Variants in CNTLN observed in about 807,000 individuals in gnomAD.
CNTLN encodes the protein centlein, also known as centlein, centrosomal protein.
In CNTLN, 212 loss-of-function variants were observed where a neutral mutation model predicts 180.0. The ratio of observed to expected loss-of-function variants is 1.18; its 90% CI spans 1.05 to 1.32. CNTLN has a LOEUF of 1.32. Ranked by LOEUF, CNTLN falls within the 40% of genes most tolerant of loss-of-function variation. The probability of loss-of-function intolerance (pLI) is 0.00; values close to 1 mark genes in which losing one functional copy is unlikely to be tolerated. For synonymous variants in CNTLN, 722 were observed against 563.1 expected (o/e 1.28, Z -3.99); for missense variants, 2,095 against 1,610.9 (o/e 1.30, Z -5.14).
chr9:17,418,545 T>C lies in CNTLN; in HGVS notation c.3114+2356T>C, dbSNP rs184537070. Among the ~76,000 whole-genome samples, 50 of 152,170 alleles carry C rather than the reference T, an allele frequency of 3.3e-4. 1 individual carries two copies. The Middle Eastern group carries it at 0.01, about 31-fold the overall frequency. On this transcript the variant is annotated intron_variant, in intron 18 of 25. Transcript: ENST00000380647. ...GGGTAGTATCTGTTGATTTCTGTGA[T>C]ATTTTTAATAACTGAACTTAGGTAA...
rs1054880660 is a variant in CNTLN at position 17,502,965 on chromosome 9, C to T, written c.*313C>T. 1 of 161,494 alleles carries T rather than the reference C, an allele frequency of 6.2e-6. No individual in the cohort carries two copies. The highest frequency in any genetic ancestry group is 2.4e-5 in the African/African-American group (1 of 41,832). 10.0% of individuals were successfully genotyped at this position (161,494 alleles called of 1,614,324 possible). On this transcript the variant is annotated 3_prime_UTR_variant, in exon 26 of 26. Transcript: ENST00000380647. ...GCAGGCTTGGTACACACAAATTGGC[C>T]TGAGCATAAGAAGAAAAAGTATCAA... is the stretch of plus-strand genomic sequence containing the variant.
chr9:17,331,602 C>A (rs1358755199), intron 9 of CNTLN, among the ~76,000 whole-genome samples: 1 of 151,782 alleles, frequency 6.6e-6, no homozygotes, highest in Non-Finnish European at 1.5e-5. Context: ...GTTTTTGTTT[C>A]TTTCCATTTT....
rs1318649561 is a variant in CNTLN, at chr9:17,261,864, AC to A, written c.850-11868del. Among the ~76,000 whole-genome samples, 14 of 151,648 alleles carry A rather than the reference AC, an allele frequency of 9.2e-5. 1 individual carries two copies. Among genetic ancestry groups the A allele is most frequent in the African/African-American group, 3.4e-4 (14 of 40,958 alleles). On this transcript the variant is annotated intron_variant, in intron 5 of 25. Transcript: ENST00000380647. ...CAAAGGTATCCAGAATCTACAAGGAACTTAAACAAATTTACAAGTAAAAAAC... is the reference window on the plus strand; with the variant it reads ...CAAAGGTATCCAGAATCTACAAGGAATTAAACAAATTTACAAGTAAAAAAC...
intron 2 of CNTLN, among the ~76,000 whole-genome samples, chr9:17,171,725 G>A (rs530031561): frequency 2.2e-4 from 33 of 152,130 alleles, no homozygotes; most frequent in Admixed American, 2.6e-4. Flanking sequence ...TAGTATCCAG[G>A]GCACAGGCAC....
At chr9:17,143,251 A>G (rs1818226816) in intron 1 of CNTLN, 37 bp from the exon 2 acceptor site, 2 of 1,448,370 alleles carry the variant, frequency 1.4e-6, no homozygotes, top group African/African-American at 2.8e-5. Context: ...CTACCACTAC[A>G]AAGCAATGCA....
chr9:17,487,962 A>G (rs868687425), intron 25 of CNTLN, among the ~76,000 whole-genome samples: 2 of 152,102 alleles, frequency 1.3e-5, no homozygotes, highest in South Asian at 4.2e-4. Context: ...CTAATTTTTT[A>G]TTTTTTAAAT....
intron 18 of CNTLN, among the ~76,000 whole-genome samples, chr9:17,417,746 G>C (rs1828374392): frequency 6.6e-6 from 1 of 151,752 alleles, no homozygotes; most frequent in Non-Finnish European, 1.5e-5. Flanking sequence ...AGTACCCTAG[G>C]GATTCAACTA....
chr9:17,463,957 GT>G (rs1831599362), intron 20 of CNTLN, among the ~76,000 whole-genome samples: 1 of 151,310 alleles, frequency 6.6e-6, no homozygotes, highest in Admixed American at 6.6e-5. Flanking sequence ...AGCAGCAGCA[GT>G]AGCAGTGGTT....
the CNTLN span, among the ~76,000 whole-genome samples, chr9:17,522,364 C>T: frequency 6.6e-6 from 1 of 152,100 alleles, no homozygotes; most frequent in African/African-American, 2.4e-5. Flanking sequence ...GAGGCTCAGC[C>T]GCTAACTTGC....
At chr9:17,362,693 T>C (rs138892937) in intron 12 of CNTLN, among the ~76,000 whole-genome samples, 1 of 152,262 alleles carries the variant, frequency 6.6e-6, no homozygotes, top group East Asian at 1.9e-4. Flanking sequence ...GTGTGATGAC[T>C]ATCTTTATTT....
In CNTLN at chr9:17,240,002, C is replaced by A. The variant is rs112699761; in HGVS notation, c.849+3414C>A. Reference sequence around the variant, plus strand: ...TCTTTTTTCTTCTGGCCAAAAAGGCCATCAGAGAGTTTAATAGAGATTGCC... The same window carrying A: ...TCTTTTTTCTTCTGGCCAAAAAGGCAATCAGAGAGTTTAATAGAGATTGCC... On this transcript the variant is annotated intron_variant, in intron 5 of 25. Transcript: ENST00000380647. Among the ~76,000 whole-genome samples the A allele has an allele frequency of 8.5e-3, 1,294 of 152,184 alleles. 16 individuals carry two copies. Among genetic ancestry groups the A allele is most frequent in the African/African-American group, 0.028 (1,179 of 41,520 alleles).
intron 7 of CNTLN, among the ~76,000 whole-genome samples, chr9:17,302,812 A>C (rs1317259333): frequency 6.6e-6 from 1 of 152,214 alleles, no homozygotes; most frequent in Non-Finnish European, 1.5e-5. Context: ...ACAAAATACA[A>C]GTGAGAAGTC....
chr9:17,247,365 G>A (rs1563918359), intron 5 of CNTLN, among the ~76,000 whole-genome samples: 2 of 152,152 alleles, frequency 1.3e-5, no homozygotes, highest in Non-Finnish European at 2.9e-5. Flanking sequence ...CCTCCATGGT[G>A]CCAGCTGAGT....
intron 2 of CNTLN, among the ~76,000 whole-genome samples, chr9:17,192,039 A>G (rs968066961): frequency 1.3e-5 from 2 of 152,142 alleles, no homozygotes; most frequent in Non-Finnish European, 1.5e-5. Context: ...AAAGAAGTAT[A>G]TTCTGTACCT....
At chr9:17,356,477 A>G (rs10756874) in intron 12 of CNTLN, among the ~76,000 whole-genome samples, 90,947 of 152,028 alleles carry the variant, frequency 0.6, 27,466 homozygotes, top group East Asian at 0.73. Context: ...GTCTGATGCA[A>G]CATGACTTAT....
chr9:17,268,178 T>C (rs1230042517), intron 5 of CNTLN, among the ~76,000 whole-genome samples: 1 of 152,198 alleles, frequency 6.6e-6, no homozygotes, highest in East Asian at 1.9e-4. Context: ...TATCTACTTT[T>C]GGTCTTTGAT....
chr9:17,170,913 C>T (rs1345245571), intron 2 of CNTLN, among the ~76,000 whole-genome samples: 1 of 152,020 alleles, frequency 6.6e-6, no homozygotes, highest in Non-Finnish European at 1.5e-5. Context: ...CATTGTGTTA[C>T]AGTTGCCTAT....
chr9:17,178,523 G>A (rs1820884676), intron 2 of CNTLN, among the ~76,000 whole-genome samples: 3 of 152,128 alleles, frequency 2.0e-5, no homozygotes, highest in Admixed American at 6.5e-5. Flanking sequence ...GGGGCGGGGG[G>A]TGCATGGGGG....
chr9:17,426,384 G>T (rs979268559), intron 18 of CNTLN, among the ~76,000 whole-genome samples: 14 of 152,030 alleles, frequency 9.2e-5, no homozygotes, highest in African/African-American at 3.4e-4. Context: ...GTAAGAAATA[G>T]AATTTTTAAA....
Sources: gnomAD v4.1 joint callset for allele counts (sites outside exome capture counted in the v4.1 genomes callset) on GRCh38, gnomAD v4.1.1 for gene constraint, MANE v1.5 for transcripts, NCBI Gene and HGNC (gene_info 2026-07-23, HGNC 2026-07-21) for gene names.